Variants in GARIN1B observed in about 807,000 individuals in gnomAD.
GARIN1B encodes the protein Golgi-associated RAB2 interactor protein 1B.
At chr7:128,723,242 A>G in the GARIN1B span, 7 of 1,612,726 alleles carry the variant, frequency 4.3e-6, no homozygotes, top group East Asian at 1.6e-4. Flanking sequence ...CGAGAGTCTC[A>G]TTCAGCTAAT....
At chr7:128,717,239 G>A in the GARIN1B span, among the ~76,000 whole-genome samples, 13 of 152,060 alleles carry the variant, frequency 8.5e-5, no homozygotes, top group South Asian at 8.3e-4. Flanking sequence ...TTTCTTTCTC[G>A]CTGCACAGAC....
At chr7:128,714,201 C>A in the GARIN1B span, 1 of 1,433,376 alleles carries the variant, frequency 7.0e-7, no homozygotes, top group Non-Finnish European at 9.5e-7. Flanking sequence ...AGCCTCCATG[C>A]TTGTCCTTTG....
chr7:128,725,760 C>G, the GARIN1B span, among the ~76,000 whole-genome samples: 3 of 152,158 alleles, frequency 2.0e-5, no homozygotes, highest in African/African-American at 7.2e-5. Context: ...CACTCAGCTG[C>G]AAGGGAGGCT....
the GARIN1B span, among the ~76,000 whole-genome samples, chr7:128,710,949 C>T: frequency 3.9e-5 from 6 of 152,252 alleles, no homozygotes; most frequent in South Asian, 4.1e-4. Flanking sequence ...TGAGCCACTG[C>T]GCCTGGCCTG....
At chr7:128,723,760 C>T in the GARIN1B span, among the ~76,000 whole-genome samples, 1,189 of 151,836 alleles carry the variant, frequency 7.8e-3, 8 homozygotes, top group Middle Eastern at 0.021. Context: ...GAGCTGCCCG[C>T]CTCGGCCTCC....
chr7:128,716,979 C>A, the GARIN1B span: 1 of 1,610,866 alleles, frequency 6.2e-7, no homozygotes, highest in Non-Finnish European at 8.5e-7. Context: ...TCCATAGCCC[C>A]CAACATCTTC....
At chr7:128,711,132 A>G in the GARIN1B span, among the ~76,000 whole-genome samples, 2 of 152,142 alleles carry the variant, frequency 1.3e-5, no homozygotes, top group African/African-American at 2.4e-5. Context: ...TTTGATATGC[A>G]GTCGTCATGT....
chr7:128,719,547 T>G, the GARIN1B span, among the ~76,000 whole-genome samples: 1 of 152,058 alleles, frequency 6.6e-6, no homozygotes, highest in Non-Finnish European at 1.5e-5. Flanking sequence ...TCTTAGGCAT[T>G]TCATATAAAT....
the GARIN1B span, among the ~76,000 whole-genome samples, chr7:128,723,596 T>C: frequency 1.3e-5 from 2 of 148,614 alleles, no homozygotes; most frequent in East Asian, 4.3e-4. Context: ...TCTCACTCCG[T>C]CGCCCAGGGT....
At chr7:128,715,620 G>T in the GARIN1B span, 2 of 1,614,134 alleles carry the variant, frequency 1.2e-6, no homozygotes, top group Non-Finnish European at 1.7e-6. Flanking sequence ...GGACTGCTCT[G>T]CCGGGTGGTT....
chr7:128,729,881 G>A, the GARIN1B span: 3 of 1,609,108 alleles, frequency 1.9e-6, no homozygotes, highest in Non-Finnish European at 1.7e-6. Flanking sequence ...ACAAGCAAAT[G>A]CATTTCTTTA....
the GARIN1B span, among the ~76,000 whole-genome samples, chr7:128,712,900 C>T: frequency 6.6e-6 from 1 of 152,172 alleles, no homozygotes; most frequent in Non-Finnish European, 1.5e-5. Flanking sequence ...TTTACATCTC[C>T]TTTTCCAGAA....
chr7:128,716,932 A>G, the GARIN1B span: 3 of 1,613,998 alleles, frequency 1.9e-6, no homozygotes, highest in South Asian at 3.3e-5. Context: ...CCAGTGTCAA[A>G]TGGCACCAGG....
chr7:128,723,240 T>G, the GARIN1B span: 1 of 1,613,030 alleles, frequency 6.2e-7, no homozygotes, highest in Non-Finnish European at 8.5e-7. Flanking sequence ...AGCGAGAGTC[T>G]CATTCAGCTA....
chr7:128,731,504 G>C, the GARIN1B span: 3 of 295,880 alleles, frequency 1.0e-5, no homozygotes, highest in Admixed American at 8.9e-5. Context: ...GGAAACGGAA[G>C]AGACTTGGTA....
the GARIN1B span, among the ~76,000 whole-genome samples, chr7:128,728,539 G>A: frequency 1.3e-5 from 2 of 152,168 alleles, no homozygotes; most frequent in South Asian, 4.1e-4. Flanking sequence ...GCTGGCAGCT[G>A]ACACTTGGTG....
chr7:128,728,203 G>C, the GARIN1B span, among the ~76,000 whole-genome samples: 3 of 152,186 alleles, frequency 2.0e-5, no homozygotes, highest in Admixed American at 2.0e-4. Context: ...CAGCACTTTG[G>C]GAGGCCGAGG....
the GARIN1B span, chr7:128,716,956 A>T: frequency 6.2e-7 from 1 of 1,613,800 alleles, no homozygotes; most frequent in Non-Finnish European, 8.5e-7. Context: ...AGAACCAGAC[A>T]TGGAACAGAC....
the GARIN1B span, among the ~76,000 whole-genome samples, chr7:128,710,560 C>G: frequency 6.6e-6 from 1 of 152,192 alleles, no homozygotes; most frequent in East Asian, 1.9e-4. Context: ...TTTATTGTGT[C>G]ATATTCTCAA....
Sources: allele counts gnomAD v4.1 joint callset (sites outside exome capture counted in the v4.1 genomes callset), GRCh38; gene constraint gnomAD v4.1.1; transcripts MANE v1.5; gene names NCBI Gene and HGNC (gene_info 2026-07-23, HGNC 2026-07-21).